Variants in PTPN14 observed in about 807,000 individuals in gnomAD.
The protein encoded by PTPN14 is protein tyrosine phosphatase non-receptor type 14.
In PTPN14, 53 loss-of-function variants were observed where a neutral mutation model predicts 126.8. The ratio of observed to expected loss-of-function variants is 0.42; its 90% CI spans 0.34 to 0.53. The LOEUF is 0.53. Among genes scored for constraint, PTPN14 ranks in the 20% least tolerant of loss-of-function variants. The probability of loss-of-function intolerance (pLI) is 0.08; values close to 1 mark genes in which losing one functional copy is unlikely to be tolerated. For synonymous variants in PTPN14, 630 were observed against 599.3 expected (o/e 1.05, Z -0.75); for missense variants, 1,257 against 1,552.9 (o/e 0.81, Z 3.20).
At chr1:214,376,459 A>G (rs972011651) in intron 14 of PTPN14, 22 bp from the exon 15 acceptor site, 3 of 1,578,450 alleles carry the variant, frequency 1.9e-6, no homozygotes, top group African/African-American at 2.7e-5. Flanking sequence ...ATTGATCTTC[A>G]GCTCTCTAAA....
At chr1:214,385,205 T>C (rs1005857955) in intron 12 of PTPN14, among the ~76,000 whole-genome samples, 4 of 152,276 alleles carry the variant, frequency 2.6e-5, no homozygotes, top group South Asian at 2.1e-4. Context: ...AGATTTCAAT[T>C]ACTAAGTGCT....
chr1:214,474,961 A>G (rs999439968), intron 1 of PTPN14, among the ~76,000 whole-genome samples: 17 of 152,154 alleles, frequency 1.1e-4, no homozygotes, highest in African/African-American at 4.1e-4. Context: ...GTACATCTTG[A>G]ATACTTATGG....
At chr1:214,372,492 A>G in intron 16 of PTPN14, 2 of 614,640 alleles carry the variant, frequency 3.3e-6, no homozygotes, top group Non-Finnish European at 5.4e-6. Context: ...AAGCCAGATG[A>G]AAATGGGAGG....
intron 8 of PTPN14, among the ~76,000 whole-genome samples, chr1:214,396,783 T>A (rs1658888961): frequency 6.6e-6 from 1 of 152,230 alleles, no homozygotes; most frequent in Non-Finnish European, 1.5e-5. Context: ...TGCTGTGCTG[T>A]AGGTTCAAAC....
intron 1 of PTPN14, among the ~76,000 whole-genome samples, chr1:214,466,521 G>A (rs1468734781): frequency 6.6e-6 from 1 of 152,128 alleles, no homozygotes; most frequent in African/African-American, 2.4e-5. Flanking sequence ...TTATTGCCAT[G>A]GACAACACAA....
chr1:214,517,419 A>C (rs1041345412), intron 1 of PTPN14, among the ~76,000 whole-genome samples: 4 of 152,098 alleles, frequency 2.6e-5, no homozygotes, highest in African/African-American at 4.8e-5. Context: ...GACAAAGTGC[A>C]CATTGAATCT....
chr1:214,459,831 G>A (rs927918214), intron 2 of PTPN14, among the ~76,000 whole-genome samples: 5 of 152,288 alleles, frequency 3.3e-5, no homozygotes, highest in African/African-American at 9.6e-5. Context: ...AGGTAACTAT[G>A]TCATGCTCCT....
Position 214,448,642 on chromosome 1 carries a change from T to C in PTPN14, c.344+3163A>G, listed in dbSNP as rs534299246. ...TGGTACAGCTCTAGAATCATATTTATAAGTGCTCCAGGTAACTATGATACA... is the reference window on the plus strand; with the variant it reads ...TGGTACAGCTCTAGAATCATATTTACAAGTGCTCCAGGTAACTATGATACA... On this transcript the variant is annotated intron_variant, in intron 3 of 18. Coordinates refer to ENST00000366956, the MANE Select transcript of PTPN14 (RefSeq NM_005401.5). Among the ~76,000 whole-genome samples the C allele has an allele frequency of 2.0e-5, 3 of 152,274 alleles. No homozygotes were observed. In the East Asian group the frequency reaches 5.8e-4, roughly 29 times the overall value.
At chr1:214,438,704 C>A (rs967345123) in intron 3 of PTPN14, among the ~76,000 whole-genome samples, 1 of 152,304 alleles carries the variant, frequency 6.6e-6, no homozygotes, top group East Asian at 1.9e-4. Flanking sequence ...CTAGGCTGCA[C>A]TCCATTTCCC....
At chr1:214,397,618 A>G (rs1370534268) in intron 8 of PTPN14, among the ~76,000 whole-genome samples, 1 of 152,252 alleles carries the variant, frequency 6.6e-6, no homozygotes, top group Admixed American at 6.5e-5. Flanking sequence ...AAGTGTTTAG[A>G]GTTAATGACT....
At chr1:214,387,129 G>A (rs1180072470) in intron 11 of PTPN14, among the ~76,000 whole-genome samples, 2 of 152,274 alleles carry the variant, frequency 1.3e-5, no homozygotes, top group Admixed American at 6.5e-5. Context: ...AAACAGTAAG[G>A]GAGAAATGAA....
intron 9 of PTPN14, among the ~76,000 whole-genome samples, chr1:214,394,006 C>T (rs183405023): frequency 6.6e-6 from 1 of 152,286 alleles, no homozygotes; most frequent in Non-Finnish European, 1.5e-5. Flanking sequence ...ATCCCTATGC[C>T]CAAAGTGCTG....
At chr1:214,402,210 G>A (rs1187238804) in intron 6 of PTPN14, among the ~76,000 whole-genome samples, 1 of 151,908 alleles carries the variant, frequency 6.6e-6, no homozygotes, top group Non-Finnish European at 1.5e-5. Context: ...GGCCGAGGCA[G>A]GCAGATCACT....
At chr1:214,373,699 T>TAA (rs11299837) in intron 15 of PTPN14, among the ~76,000 whole-genome samples, 1 of 143,166 alleles carries the variant, frequency 7.0e-6, no homozygotes, top group African/African-American at 2.6e-5. Context: ...AATTAAACAA[T>TAA]AAAAAAAAAA....
chr1:214,516,460 T>C (rs1018326316), intron 1 of PTPN14, among the ~76,000 whole-genome samples: 17 of 152,222 alleles, frequency 1.1e-4, no homozygotes, highest in Admixed American at 9.2e-4. Flanking sequence ...CAGCATATGC[T>C]GGGCTGATAT....
chr1:214,373,518 C>T (rs6700380), intron 15 of PTPN14, among the ~76,000 whole-genome samples: 66,081 of 151,086 alleles, frequency 0.44, 16,011 homozygotes, highest in Non-Finnish European at 0.55. Flanking sequence ...TGTACTCTAA[C>T]ACTTTCCATT....
At chr1:214,362,268 A>C (rs1222311411) in intron 18 of PTPN14, among the ~76,000 whole-genome samples, 3 of 152,254 alleles carry the variant, frequency 2.0e-5, no homozygotes, top group Non-Finnish European at 4.4e-5. Flanking sequence ...AGGACAGATA[A>C]GACTGGCTAT....
chr1:214,514,924 T>TA (rs1655062455), intron 1 of PTPN14, among the ~76,000 whole-genome samples: 1 of 152,212 alleles, frequency 6.6e-6, no homozygotes, highest in Admixed American at 6.5e-5. Context: ...ACAAGTCACA[T>TA]ACTAAGCAGA....
In PTPN14 at chr1:214,444,003, G is replaced by A. The variant is rs1047784439; in HGVS notation, c.344+7802C>T. 9.8e-5 allele frequency among the ~76,000 whole-genome samples: 15 copies of A among 152,320 alleles called. 1 individual carries two copies. The South Asian group carries it at 1.2e-3, about 13-fold the overall frequency. ...GTGGGAGTGAGAGTGGGAGGGAGGT[G>A]GGGAGTTGAGACCTATTTGTTATTA... On this transcript the variant is annotated intron_variant, in intron 3 of 18. Transcript: ENST00000366956.
Sources: gnomAD v4.1 joint callset for allele counts (sites outside exome capture counted in the v4.1 genomes callset) on GRCh38, gnomAD v4.1.1 for gene constraint, MANE v1.5 for transcripts, NCBI Gene and HGNC (gene_info 2026-07-23, HGNC 2026-07-21) for gene names.